Variants in THEMIS observed in about 807,000 individuals in gnomAD.
THEMIS encodes the protein thymocyte selection associated, also known as protein THEMIS.
THEMIS carries 37 observed loss-of-function variants against 52.6 expected under a neutral mutation model. The observed-to-expected ratio is 0.70, with a 90% CI of 0.54 to 0.93. THEMIS has a LOEUF of 0.93. Ranked by LOEUF, THEMIS falls within the 40% of genes least tolerant of loss-of-function variation. The pLI, the probability that THEMIS is intolerant of heterozygous loss-of-function variation, is 0.00. For synonymous variants in THEMIS, 292 were observed against 272.7 expected, an observed-to-expected ratio of 1.07 and a Z score of -0.70; for missense variants, 808 against 763.1, an observed-to-expected ratio of 1.06 and a Z score of -0.69.
intron 1 of THEMIS, among the ~76,000 whole-genome samples, chr6:127,893,589 A>G (rs1446242378): frequency 6.6e-6 from 1 of 152,136 alleles, no homozygotes; most frequent in Non-Finnish European, 1.5e-5. Flanking sequence ...TCACATCGAT[A>G]CGGCTCCTAA....
At chr6:127,704,368 A>G (rs1773773242), downstream of THEMIS, among the ~76,000 whole-genome samples, 1 of 152,158 alleles carries the variant, frequency 6.6e-6, no homozygotes, top group African/African-American at 2.4e-5. Flanking sequence ...CACCTCTGCC[A>G]TATTACTTGA....
intron 3 of THEMIS, among the ~76,000 whole-genome samples, chr6:127,816,435 T>C (rs1284013855): frequency 6.6e-6 from 1 of 152,196 alleles, no homozygotes; most frequent in Non-Finnish European, 1.5e-5. Context: ...TGTCTCAAAA[T>C]TAACATGCTT....
chr6:127,847,630 G>A (rs1480107840), intron 2 of THEMIS, among the ~76,000 whole-genome samples: 1 of 151,882 alleles, frequency 6.6e-6, no homozygotes, highest in African/African-American at 2.4e-5. Context: ...ACACACTGCT[G>A]AAAGAAATCA....
At chr6:127,731,317 T>TA (rs1183701528) in intron 4 of THEMIS, among the ~76,000 whole-genome samples, 2 of 152,084 alleles carry the variant, frequency 1.3e-5, no homozygotes, top group African/African-American at 4.8e-5. Flanking sequence ...CTCCAATGCA[T>TA]AAAAAATGCT....
intron 4 of THEMIS, among the ~76,000 whole-genome samples, chr6:127,804,381 C>T (rs1409149740): frequency 6.6e-6 from 1 of 152,082 alleles, no homozygotes; most frequent in Non-Finnish European, 1.5e-5. Context: ...CATGACACAC[C>T]TTATATACCC....
intron 2 of THEMIS, 74 bp from the exon 3 acceptor site, chr6:127,830,008 G>C: frequency 1.8e-6 from 2 of 1,081,106 alleles, no homozygotes; most frequent in Non-Finnish European, 2.7e-6. Context: ...CACAAGGAGA[G>C]AGTTACAACA....
chr6:127,845,545 T>C (rs1779184615), intron 2 of THEMIS, among the ~76,000 whole-genome samples: 1 of 151,798 alleles, frequency 6.6e-6, no homozygotes, highest in Non-Finnish European at 1.5e-5. Flanking sequence ...AACTTGACAG[T>C]CATAGGAGAA....
intron 4 of THEMIS, among the ~76,000 whole-genome samples, chr6:127,801,375 A>T (rs1162971209): frequency 2.0e-5 from 3 of 152,138 alleles, no homozygotes; most frequent in African/African-American, 7.2e-5. Context: ...AAGAGCTGAA[A>T]TTGTGGAAAA....
intron 4 of THEMIS, among the ~76,000 whole-genome samples, chr6:127,730,336 GA>G (rs1562219946): frequency 8.4e-6 from 1 of 118,702 alleles, no homozygotes; most frequent in African/African-American, 3.2e-5. Context: ...GAAAAGAAAA[GA>G]AAAGAAGAGA....
intron 1 of THEMIS, among the ~76,000 whole-genome samples, chr6:127,881,697 T>C (rs537592079): frequency 6.6e-6 from 1 of 151,916 alleles, no homozygotes. Flanking sequence ...GGCATTGCTT[T>C]TATCTAAGTT....
At chr6:127,771,496 C>T (rs1776382869) in intron 4 of THEMIS, among the ~76,000 whole-genome samples, 2 of 152,124 alleles carry the variant, frequency 1.3e-5, no homozygotes, top group Non-Finnish European at 1.5e-5. Flanking sequence ...AGGCATCACA[C>T]TACCTGACGT....
intron 5 of THEMIS, among the ~76,000 whole-genome samples, chr6:127,714,806 T>C (rs1774101936): frequency 6.6e-6 from 1 of 151,594 alleles, no homozygotes; most frequent in Admixed American, 6.6e-5. Context: ...GAGAGCAGAG[T>C]AAAAAGAAAA....
chr6:127,878,450 C>CAA (rs66542329), intron 1 of THEMIS, among the ~76,000 whole-genome samples: 29,546 of 148,062 alleles, frequency 0.2, 3,726 homozygotes, highest in Middle Eastern at 0.33. Flanking sequence ...TATCTATTTG[C>CAA]AAAAAAAAAA....
At chr6:127,842,070 T>A (rs1436166017) in intron 2 of THEMIS, among the ~76,000 whole-genome samples, 1 of 152,064 alleles carries the variant, frequency 6.6e-6, no homozygotes, top group East Asian at 1.9e-4. Context: ...CATTCCTTGC[T>A]TCTTTTAACA....
chr6:127,806,013 T>A (rs1368697470), intron 4 of THEMIS, among the ~76,000 whole-genome samples: 1 of 151,932 alleles, frequency 6.6e-6, no homozygotes, highest in African/African-American at 2.4e-5. Flanking sequence ...GAAAGGAACA[T>A]AAATATCTAG....
chr6:127,775,160 A>G (rs1231851295), intron 4 of THEMIS, among the ~76,000 whole-genome samples: 1 of 152,148 alleles, frequency 6.6e-6, no homozygotes, highest in African/African-American at 2.4e-5. Context: ...GCAGCACACC[A>G]TGAACTCTTT....
At chr6:127,884,039 T>C (rs1020962835) in intron 1 of THEMIS, among the ~76,000 whole-genome samples, 30 of 152,288 alleles carry the variant, frequency 2.0e-4, no homozygotes, top group African/African-American at 7.2e-4. Context: ...AATACCCTAC[T>C]ACAAATCACC....
chr6:127,893,336 A>T (rs1780866885), intron 1 of THEMIS, among the ~76,000 whole-genome samples: 1 of 152,200 alleles, frequency 6.6e-6, no homozygotes, highest in Non-Finnish European at 1.5e-5. Context: ...AATAATAGTT[A>T]TGATTTACTG....
intron 4 of THEMIS, among the ~76,000 whole-genome samples, chr6:127,734,868 CAAAAAAAAAA>C (rs1197660495): frequency 3.0e-5 from 1 of 32,952 alleles, no homozygotes; most frequent in African/African-American, 1.4e-4. Flanking sequence ...GGCTCTGTCT[CAAAAAAAAAA>C]AAAAAAAAAA....
Sources: gnomAD v4.1 joint callset for allele counts (sites outside exome capture counted in the v4.1 genomes callset) on GRCh38, gnomAD v4.1.1 for gene constraint, MANE v1.5 for transcripts, NCBI Gene and HGNC (gene_info 2026-07-23, HGNC 2026-07-21) for gene names.